CIB4: variants seen among roughly 807,000 people sequenced by gnomAD.
CIB4 encodes the protein calcium and integrin binding family member 4.
A neutral mutation model predicts 25.8 loss-of-function variants in CIB4; 25 were observed. The observed-to-expected ratio is 0.97, with a 90% CI of 0.71 to 1.35. The LOEUF (loss-of-function observed/expected upper bound fraction) is 1.35. CIB4 is among the 40% of genes most tolerant of loss of function. CIB4 has a pLI of 0.00. For missense variants in CIB4, 235 were observed against 228.2 expected, an observed-to-expected ratio of 1.03 and a Z score of -0.19; for synonymous variants, 75 against 81.4, an observed-to-expected ratio of 0.92 and a Z score of 0.42.
intron 2 of CIB4, among the ~76,000 whole-genome samples, chr2:26,637,524 T>C (rs1669556556): frequency 6.6e-6 from 1 of 152,124 alleles, no homozygotes; most frequent in African/African-American, 2.4e-5. Flanking sequence ...GGAAGCCCCC[T>C]GAACTTTGCT....
intron 4 of CIB4, among the ~76,000 whole-genome samples, chr2:26,586,797 T>C (rs1572538138): frequency 6.6e-6 from 1 of 152,292 alleles, no homozygotes; most frequent in South Asian, 2.1e-4. Context: ...TCACTACATT[T>C]GCCAGCCTCC....
intron 6 of CIB4, among the ~76,000 whole-genome samples, chr2:26,581,896 G>A (rs1363528051): frequency 1.3e-5 from 2 of 152,226 alleles, no homozygotes; most frequent in Admixed American, 1.3e-4. Context: ...TGGAGTCAGA[G>A]CTGAGAGGTG....
At chr2:26,611,478 A>G (rs1423868287) in intron 3 of CIB4, among the ~76,000 whole-genome samples, 2 of 152,210 alleles carry the variant, frequency 1.3e-5, no homozygotes, top group Non-Finnish European at 2.9e-5. Context: ...TCCAAAGCCC[A>G]GGTTTCTTAT....
chr2:26,595,876 T>C (rs1247980924), intron 3 of CIB4, among the ~76,000 whole-genome samples: 1 of 151,524 alleles, frequency 6.6e-6, no homozygotes, highest in African/African-American at 2.4e-5. Context: ...CTTAGATCCA[T>C]GTCACATGAC....
At chr2:26,605,034 C>T (rs2148205663) in intron 3 of CIB4, among the ~76,000 whole-genome samples, 1 of 152,108 alleles carries the variant, frequency 6.6e-6, no homozygotes, top group Admixed American at 6.5e-5. Flanking sequence ...GGTTATAAAA[C>T]CAATCTCAAT....
chr2:26,638,924 C>T (rs1669583352), intron 2 of CIB4, among the ~76,000 whole-genome samples: 1 of 151,260 alleles, frequency 6.6e-6, no homozygotes, highest in Admixed American at 6.6e-5. Flanking sequence ...TGCACTCTAG[C>T]CTGGGAGACA....
Position 26,581,413 on chromosome 2 carries a change from G to A in CIB4, c.528-20C>T. The A allele has an allele frequency of 6.2e-7, 1 of 1,613,386 alleles. No individual in the cohort carries two copies. Among genetic ancestry groups the A allele is most frequent in the Non-Finnish European group, 8.5e-7 (1 of 1,179,532 alleles). On this transcript the variant is annotated intron_variant, in intron 6 of 6. Transcript: ENST00000288861. Reference sequence around the variant, plus strand: ...AAGGAGCTGAAAGAAAGAATCCCGTGAGCCATGTGAGCCCGCAGGTCCAAG... The same window carrying A: ...AAGGAGCTGAAAGAAAGAATCCCGTAAGCCATGTGAGCCCGCAGGTCCAAG...
At chr2:26,586,321 G>A (rs1668452054) in intron 4 of CIB4, among the ~76,000 whole-genome samples, 1 of 152,126 alleles carries the variant, frequency 6.6e-6, no homozygotes, top group South Asian at 2.1e-4. Context: ...TTTGCACGGA[G>A]GCTCCCCCTC....
chr2:26,604,785 C>G (rs1179606439), intron 3 of CIB4, among the ~76,000 whole-genome samples: 1 of 151,966 alleles, frequency 6.6e-6, no homozygotes, highest in South Asian at 2.1e-4. Flanking sequence ...AGGGTTTTTC[C>G]CCTCATTTTG....
intron 3 of CIB4, among the ~76,000 whole-genome samples, chr2:26,619,534 T>A (rs376827001): frequency 7.2e-5 from 11 of 152,236 alleles, no homozygotes; most frequent in African/African-American, 2.6e-4. Context: ...ATCCCTTGCA[T>A]CAAACCTCAC....
intron 3 of CIB4, among the ~76,000 whole-genome samples, chr2:26,616,309 T>C (rs1307854144): frequency 6.6e-6 from 1 of 151,728 alleles, no homozygotes; most frequent in Non-Finnish European, 1.5e-5. Context: ...GAGCGAAGAG[T>C]GGAGGTCGCC....
chr2:26,641,274 A>G lies in CIB4; in HGVS notation c.41T>C (p.Leu14Pro). The G allele has an allele frequency of 6.2e-7, 1 of 1,613,354 alleles. No individual in the cohort carries two copies. The highest frequency in any genetic ancestry group is 1.1e-5 in the South Asian group (1 of 91,064). Residue 14 changes from leucine (L) to proline (P), a missense_variant, in exon 1 of 7, where the codon CTG becomes CCG. By Grantham distance (98) the Leu-to-Pro change is moderately conservative (BLOSUM62 -3). Transcript: ENST00000288861. ...CGATCTACCCACCTGGTACTCTTCCAGGTCCTCCCAGTGCATCTGATACCT... is the reference window on the plus strand; with the variant it reads ...CGATCTACCCACCTGGTACTCTTCCGGGTCCTCCCAGTGCATCTGATACCT... ...CLRYQMHWED[L>P]EEYQALTFLT... is the part of the protein sequence containing the mutation.
chr2:26,598,968 C>A (rs1148967), intron 3 of CIB4, among the ~76,000 whole-genome samples: 107,933 of 152,118 alleles, frequency 0.71, 42,391 homozygotes, highest in East Asian at 0.98. Flanking sequence ...AAAGAGCAAG[C>A]CTCATTAGAG....
At chr2:26,582,287 G>A (rs116282956) in intron 6 of CIB4, among the ~76,000 whole-genome samples, 88 of 152,334 alleles carry the variant, frequency 5.8e-4, no homozygotes, top group Middle Eastern at 3.4e-3. Flanking sequence ...TCTCCCGAAA[G>A]CAGCAGCACC....
At chr2:26,624,349 C>A (rs574247840) in intron 3 of CIB4, among the ~76,000 whole-genome samples, 5 of 152,306 alleles carry the variant, frequency 3.3e-5, no homozygotes, top group Non-Finnish European at 7.3e-5. Flanking sequence ...TCCCAGCAAG[C>A]CTCTCCTTGC....
At chr2:26,583,004 G>T in intron 5 of CIB4, 91 bp from the exon 6 acceptor site, 2 of 807,864 alleles carry the variant, frequency 2.5e-6, no homozygotes, top group Non-Finnish European at 4.3e-6. Context: ...CACATGCCAG[G>T]GGCTCTCCCA....
intron 3 of CIB4, among the ~76,000 whole-genome samples, chr2:26,624,886 A>G (rs960260705): frequency 1.3e-5 from 2 of 152,100 alleles, no homozygotes; most frequent in Non-Finnish European, 2.9e-5. Flanking sequence ...AGTCAATAAT[A>G]ATTGTATATT....
Position 26,629,479 on chromosome 2 carries a change from G to A in CIB4, c.117C>T (p.Cys39=). The A allele has an allele frequency of 6.3e-7, 1 of 1,577,466 alleles. No individual in the cohort carries two copies. The highest frequency in any genetic ancestry group is 1.9e-5 in the Admixed American group (1 of 53,752). Residue 39 remains cysteine, a synonymous_variant, in exon 3 of 7, where the codon TGC becomes TGT. Coordinates refer to ENST00000288861, the MANE Select transcript of CIB4 (RefSeq NM_001029881.3). ...LCIHDTFLKL[C]PPGKYYKEAT... ...CCTCCTTGTAGTACTTCCCAGGAGG[G>A]CAGAGCTTCAGGAAGGTGTCATGGA...
At chr2:26,604,252 C>G (rs776491109) in intron 3 of CIB4, among the ~76,000 whole-genome samples, 1 of 151,902 alleles carries the variant, frequency 6.6e-6, no homozygotes, top group Non-Finnish European at 1.5e-5. Flanking sequence ...TGGTGGTGCA[C>G]GCCTGCAGTC....
Sources: allele counts gnomAD v4.1 joint callset (sites outside exome capture counted in the v4.1 genomes callset), GRCh38; gene constraint gnomAD v4.1.1; transcripts MANE v1.5; gene names NCBI Gene and HGNC (gene_info 2026-07-23, HGNC 2026-07-21).